The following PPME1 variants were observed in gnomAD, a reference collection of about 807,000 sequenced individuals.
PPME1 encodes the protein protein phosphatase methylesterase 1.
A neutral mutation model predicts 56.9 loss-of-function variants in PPME1; 17 were observed. The ratio of observed to expected loss-of-function variants is 0.30; its 90% CI spans 0.20 to 0.45. PPME1 has a LOEUF of 0.45. Ranked by LOEUF, PPME1 falls within the 20% of genes least tolerant of loss-of-function variation. PPME1 has a pLI of 1.00. For missense variants in PPME1, 357 were observed against 483.2 expected (o/e 0.74, Z 2.45); for synonymous variants, 122 against 156.2 (o/e 0.78, Z 1.63).
intron 1 of PPME1, among the ~76,000 whole-genome samples, chr11:74,190,918 T>A (rs532365851): frequency 1.8e-4 from 27 of 152,214 alleles, no homozygotes; most frequent in Non-Finnish European, 3.5e-4. Flanking sequence ...CATTGTGTTG[T>A]TCATGCCATA....
chr11:74,235,669 C>T (rs1004899556), intron 7 of PPME1: 1 of 540,958 alleles, frequency 1.8e-6, no homozygotes, highest in Non-Finnish European at 3.1e-6. Context: ...CACCTAGTAT[C>T]CTCTTGATAA....
At chr11:74,246,024 G>T in intron 9 of PPME1, 52 bp from the exon 10 acceptor site, 1 of 1,541,160 alleles carries the variant, frequency 6.5e-7, no homozygotes, top group Non-Finnish European at 8.7e-7. Flanking sequence ...TTTTAATCCT[G>T]TTCCTCCAGG....
intron 7 of PPME1, among the ~76,000 whole-genome samples, chr11:74,232,860 ATTTTT>A (rs35057762): frequency 2.3e-4 from 22 of 93,862 alleles, no homozygotes; most frequent in African/African-American, 1.0e-3. Flanking sequence ...TTGTTATTTG[ATTTTT>A]TTTTTTTTTT....
intron 1 of PPME1, among the ~76,000 whole-genome samples, chr11:74,197,340 A>T (rs1217775506): frequency 3.3e-5 from 5 of 152,262 alleles, no homozygotes; most frequent in Non-Finnish European, 5.9e-5. Flanking sequence ...GGAATACATC[A>T]GTGAACTAAT....
At chr11:74,220,701 GAC>G (rs1259712699) in intron 3 of PPME1, among the ~76,000 whole-genome samples, 1 of 152,196 alleles carries the variant, frequency 6.6e-6, no homozygotes, top group African/African-American at 2.4e-5. Context: ...AGATTTAGTA[GAC>G]ATTAGCTCCT....
chr11:74,196,889 A>G (rs1857996082), intron 1 of PPME1, among the ~76,000 whole-genome samples: 2 of 152,208 alleles, frequency 1.3e-5, no homozygotes, highest in South Asian at 4.1e-4. Context: ...GGAAGCTCCC[A>G]AGTGTGGGTC....
At chr11:74,187,224 G>C (rs1857708379) in intron 1 of PPME1, among the ~76,000 whole-genome samples, 1 of 151,982 alleles carries the variant, frequency 6.6e-6, no homozygotes, top group African/African-American at 2.4e-5. Flanking sequence ...AACTTATTTT[G>C]GGTCCCTTGA....
At chr11:74,235,634 A>G (rs1324694566) in intron 7 of PPME1, 2 of 399,300 alleles carry the variant, frequency 5.0e-6, no homozygotes, top group Non-Finnish European at 9.1e-6. Flanking sequence ...CTACCGAATT[A>G]TGTGCTTTTT....
intron 1 of PPME1, among the ~76,000 whole-genome samples, chr11:74,187,770 C>A (rs927444266): frequency 6.6e-6 from 1 of 152,172 alleles, no homozygotes; most frequent in African/African-American, 2.4e-5. Context: ...ACAACATCCC[C>A]AGGATGCTGA....
At chr11:74,231,124 C>T (rs1859055559) in intron 7 of PPME1, 122 bp downstream of exon 7, 1 of 784,478 alleles carries the variant, frequency 1.3e-6, no homozygotes, top group Non-Finnish European at 2.1e-6. Context: ...GTGGCATGAT[C>T]CTAGCTCACT....
rs187002984 is a variant in PPME1, at chr11:74,189,540, C to T, written c.102-14188C>T. ...CTAGGCTTAAGCAATCCACCCACCT[C>T]GGCCTCCCAAAGTGCCGGGATTGCA... On this transcript the variant is annotated intron_variant, in intron 1 of 13. Coordinates refer to ENST00000328257, the MANE Select transcript of PPME1 (RefSeq NM_016147.3). 6.3e-4 allele frequency among the ~76,000 whole-genome samples: 96 copies of T among 152,330 alleles called. 1 individual carries two copies. The East Asian group carries it at 0.014, about 23-fold the overall frequency.
chr11:74,235,503 A>T (rs1044958079), intron 7 of PPME1, among the ~76,000 whole-genome samples: 1 of 152,154 alleles, frequency 6.6e-6, no homozygotes, highest in African/African-American at 2.4e-5. Context: ...TAAACTTGTT[A>T]TCTATACTCC....
chr11:74,243,475 C>T (rs896233587), intron 9 of PPME1: 3 of 152,030 alleles, frequency 2.0e-5, no homozygotes, highest in Non-Finnish European at 2.9e-5. Context: ...TGGAGCTGAT[C>T]TCTTAGAAAT....
chr11:74,246,002 C>T, intron 9 of PPME1, 74 bp from the exon 10 acceptor site: 4 of 1,502,046 alleles, frequency 2.7e-6, no homozygotes, highest in Middle Eastern at 1.7e-4. Flanking sequence ...TTCCTTTTCC[C>T]AGGGATCTAG....
chr11:74,201,121 G>A (rs528555308), intron 1 of PPME1, among the ~76,000 whole-genome samples: 11 of 151,876 alleles, frequency 7.2e-5, no homozygotes, highest in African/African-American at 2.4e-4. Context: ...GATTACAGGC[G>A]CCCGCCACCA....
chr11:74,211,709 A>G (rs1417689388), intron 3 of PPME1, among the ~76,000 whole-genome samples: 1 of 152,186 alleles, frequency 6.6e-6, no homozygotes, highest in Admixed American at 6.5e-5. Flanking sequence ...GTGCAAAACA[A>G]ACTATAGGCA....
chr11:74,219,621 G>T (rs145005575), intron 3 of PPME1, among the ~76,000 whole-genome samples: 1 of 152,006 alleles, frequency 6.6e-6, no homozygotes, highest in Admixed American at 6.6e-5. Flanking sequence ...AGGTCATTAC[G>T]GTAAGTGAAA....
At chr11:74,219,341 A>T (rs1252781489) in intron 3 of PPME1, among the ~76,000 whole-genome samples, 1 of 151,624 alleles carries the variant, frequency 6.6e-6, no homozygotes, top group Admixed American at 6.6e-5. Flanking sequence ...CCTTAAAAAA[A>T]AAAAAAAAAC....
intron 2 of PPME1, 31 bp downstream of exon 2, chr11:74,203,852 TGAGC>T: frequency 6.8e-7 from 1 of 1,475,756 alleles, no homozygotes; most frequent in Non-Finnish European, 9.3e-7. Flanking sequence ...TATTCTTTAG[TGAGC>T]TTATGATGTT....
Sources: gnomAD v4.1 joint callset for allele counts (sites outside exome capture counted in the v4.1 genomes callset) on GRCh38, gnomAD v4.1.1 for gene constraint, MANE v1.5 for transcripts, NCBI Gene and HGNC (gene_info 2026-07-23, HGNC 2026-07-21) for gene names.